The following ROBO2 variants were observed in gnomAD, a reference collection of about 807,000 sequenced individuals.
The protein encoded by ROBO2 is roundabout guidance receptor 2, also known as roundabout homolog 2.
Under a neutral mutation model 160.8 loss-of-function variants are expected in ROBO2, and 53 were observed. The observed-to-expected ratio is 0.33, with a 90% CI of 0.26 to 0.41. The LOEUF (loss-of-function observed/expected upper bound fraction) is 0.41. Ranked by LOEUF, ROBO2 falls within the 10% of genes least tolerant of loss-of-function variation. ROBO2 has a pLI of 1.00. For synonymous variants in ROBO2, 664 were observed against 611.7 expected (o/e 1.09, Z -1.26); for missense variants, 1,577 against 1,722.4 (o/e 0.92, Z 1.49).
intron 2 of ROBO2, among the ~76,000 whole-genome samples, chr3:76,797,465 G>A (rs918965062): frequency 9.2e-5 from 14 of 151,740 alleles, no homozygotes; most frequent in Admixed American, 7.9e-4. Flanking sequence ...TTATAGCAAT[G>A]AGCACCTATA....
In ROBO2 at chr3:77,568,513, G is replaced by T. The variant is rs796240163; in HGVS notation, c.1971+79G>T. The T allele has an allele frequency of 2.3e-5, 36 of 1,536,486 alleles. No homozygotes were observed. The African/African-American group carries it at 4.2e-4, about 18-fold the overall frequency. On this transcript the variant is annotated intron_variant, in intron 13 of 25. Coordinates refer to ENST00000461745, the Ensembl canonical transcript of ROBO2. ...AACATGGAAAATGCAAATGAACAAA[G>T]AGTGATAATAAAAATTCCCGCCATT...
At chr3:76,605,940 T>C (rs1054625378) in intron 2 of ROBO2, among the ~76,000 whole-genome samples, 8 of 152,132 alleles carry the variant, frequency 5.3e-5, no homozygotes, top group Non-Finnish European at 1.0e-4. Flanking sequence ...ATCATTGTCT[T>C]TCAAGGATGC....
chr3:77,200,091 TA>T (rs1253232102), intron 2 of ROBO2, among the ~76,000 whole-genome samples: 1 of 150,786 alleles, frequency 6.6e-6, no homozygotes. Flanking sequence ...TAAGTATGTA[TA>T]AAAACGACAT....
intron 2 of ROBO2, among the ~76,000 whole-genome samples, chr3:76,049,403 A>ATTTTTTTTTTTTTTTTTTTTTTTTTTTT (rs1167852972): frequency 1.9e-5 from 1 of 53,752 alleles, no homozygotes; most frequent in Non-Finnish European, 2.7e-5. Flanking sequence ...ATATATATAT[A>ATTTTTTTTTTTTTTTTTTTTTTTTTTTT]TTTTTTTTTT....
At chr3:77,647,287 G>A (rs1297348307) in exon 26 of ROBO2, 1 of 152,070 alleles carries the variant, frequency 6.6e-6, no homozygotes, top group Admixed American at 6.6e-5. Flanking sequence ...CCAATGTATA[G>A]CCAAATTGTA....
At chr3:76,359,817 T>C (rs1559819476) in intron 2 of ROBO2, among the ~76,000 whole-genome samples, 3 of 152,028 alleles carry the variant, frequency 2.0e-5, no homozygotes, top group East Asian at 3.9e-4. Context: ...TCTTGAGTGA[T>C]TGTACTCTTT....
At chr3:75,945,754 T>C (rs573453515) in intron 2 of ROBO2, among the ~76,000 whole-genome samples, 6,934 of 152,212 alleles carry the variant, frequency 0.046, 488 homozygotes, top group African/African-American at 0.15. Flanking sequence ...GCATAATGCA[T>C]AACTTATTAT....
At chr3:77,173,795 G>C (rs534145625) in intron 2 of ROBO2, among the ~76,000 whole-genome samples, 28 of 152,050 alleles carry the variant, frequency 1.8e-4, no homozygotes, top group African/African-American at 6.3e-4. Context: ...GGATTAAAAG[G>C]CTCAGTGGTT....
At position 77,441,486 on chromosome 3, in the gene ROBO2, T is replaced by C. The variant is rs771791493; in HGVS notation, c.389-35928T>C. On this transcript the variant is annotated intron_variant, in intron 2 of 25. Transcript: ENST00000461745. The stretch of plus-strand genomic sequence containing the variant: ...AAAAAAACCCAACGCTTTAACTTTG[T>C]TATAAAACGTTACTTAAAAATCCTT... Among the ~76,000 whole-genome samples, 5 of 152,280 alleles carry C rather than the reference T, an allele frequency of 3.3e-5. No individual in the cohort carries two copies. In the South Asian group the frequency reaches 6.2e-4, roughly 19 times the overall value.
intron 2 of ROBO2, among the ~76,000 whole-genome samples, chr3:77,277,180 CTTTCT>C (rs761411650): frequency 2.2e-3 from 250 of 114,814 alleles, no homozygotes; most frequent in South Asian, 7.1e-3. Context: ...TTCTTTCTTT[CTTTCT>C]TTCTTTCTTT....
At chr3:77,280,379 T>A (rs554871210) in intron 2 of ROBO2, among the ~76,000 whole-genome samples, 1 of 152,298 alleles carries the variant, frequency 6.6e-6, no homozygotes, top group East Asian at 1.9e-4. Flanking sequence ...TTGATAAATA[T>A]GTGAATTCTT....
chr3:76,798,912 A>G (rs1488315455), intron 2 of ROBO2, among the ~76,000 whole-genome samples: 1 of 130,568 alleles, frequency 7.7e-6, no homozygotes, highest in Non-Finnish European at 1.8e-5. Context: ...AACAACAACA[A>G]CAACAAACCC....
At chr3:76,470,798 G>C (rs995566215) in intron 2 of ROBO2, among the ~76,000 whole-genome samples, 7 of 152,178 alleles carry the variant, frequency 4.6e-5, no homozygotes, top group South Asian at 2.1e-4. Context: ...GCTACCATCT[G>C]TGTTACTTCA....
chr3:76,371,299 A>G (rs1219473219), intron 2 of ROBO2, among the ~76,000 whole-genome samples: 1 of 151,998 alleles, frequency 6.6e-6, no homozygotes, highest in Non-Finnish European at 1.5e-5. Context: ...GCACATAAAA[A>G]TATCTTAATC....
At chr3:76,794,548 CTCTG>C (rs1393644679) in intron 2 of ROBO2, among the ~76,000 whole-genome samples, 1 of 152,006 alleles carries the variant, frequency 6.6e-6, no homozygotes, top group East Asian at 1.9e-4. Context: ...AAATGGTTTT[CTCTG>C]TCTGAACAAT....
chr3:77,339,702 A>C (rs191155367), intron 2 of ROBO2, among the ~76,000 whole-genome samples: 1 of 152,056 alleles, frequency 6.6e-6, no homozygotes, highest in South Asian at 2.1e-4. Context: ...TAAAACATAC[A>C]TCTACAGGGA....
At chr3:76,152,550 G>A (rs2072252381) in intron 2 of ROBO2, among the ~76,000 whole-genome samples, 1 of 151,950 alleles carries the variant, frequency 6.6e-6, no homozygotes, top group Admixed American at 6.6e-5. Context: ...CTTCTAATGT[G>A]TGCATTTGTG....
chr3:77,507,436 G>A (rs1457730537), intron 5 of ROBO2, among the ~76,000 whole-genome samples: 8 of 152,096 alleles, frequency 5.3e-5, no homozygotes, highest in Non-Finnish European at 1.0e-4. Context: ...CAATTTTACC[G>A]TGAATTGGCT....
chr3:76,231,817 G>A (rs1242348437), intron 2 of ROBO2, among the ~76,000 whole-genome samples: 1 of 152,162 alleles, frequency 6.6e-6, no homozygotes. Flanking sequence ...GTAATATTAT[G>A]TGTGGTATTC....
Sources: allele counts gnomAD v4.1 joint callset (sites outside exome capture counted in the v4.1 genomes callset), GRCh38; gene constraint gnomAD v4.1.1; transcripts MANE v1.5; gene names NCBI Gene and HGNC (gene_info 2026-07-23, HGNC 2026-07-21).